COL22A1: variants seen among roughly 807,000 people sequenced by gnomAD.
COL22A1 encodes the protein collagen type XXII alpha 1 chain, also known as collagen alpha-1(XXII) chain.
Under a neutral mutation model 248.9 loss-of-function variants are expected in COL22A1, and 221 were observed. That is an observed-to-expected ratio of 0.89 (90% CI 0.80 to 0.99). COL22A1 has a LOEUF of 0.99. Among genes scored for constraint, COL22A1 ranks in the 50% least tolerant of loss-of-function variants. The pLI, the probability that COL22A1 is intolerant of heterozygous loss-of-function variation, is 0.00. For synonymous variants in COL22A1, 891 were observed against 793.4 expected, an observed-to-expected ratio of 1.12 and a Z score of -2.07; for missense variants, 2,240 against 2,179.0, an observed-to-expected ratio of 1.03 and a Z score of -0.56.
chr8:138,684,372 C>G, intron 39 of COL22A1, 53 bp downstream of exon 39: 1 of 1,201,454 alleles, frequency 8.3e-7, no homozygotes, highest in Non-Finnish European at 1.2e-6. Flanking sequence ...TTTCCACGTT[C>G]TCTTTCAAAC....
At chr8:138,636,062 G>A (rs1564125161) in intron 48 of COL22A1, among the ~76,000 whole-genome samples, 1 of 152,148 alleles carries the variant, frequency 6.6e-6, no homozygotes. Context: ...GTAAAGGGGA[G>A]GGCAGCTGGG....
Position 138,729,364 on chromosome 8 carries a change from TA to T in COL22A1, c.2140-3925del, listed in dbSNP as rs1830546834. Among the ~76,000 whole-genome samples, 3 of 152,300 alleles carry T rather than the reference TA, an allele frequency of 2.0e-5. No homozygotes were observed. In the South Asian group the frequency reaches 6.2e-4, roughly 32 times the overall value. ...TAAGGGAGACTAGAACTTAGGGCTCTAAATATGGGTTTGAAGATCTCAAAGT... is the reference window on the plus strand; with the variant it reads ...TAAGGGAGACTAGAACTTAGGGCTCTAATATGGGTTTGAAGATCTCAAAGT... On this transcript the variant is annotated intron_variant, in intron 23 of 64. Transcript: ENST00000303045.
intron 52 of COL22A1, among the ~76,000 whole-genome samples, chr8:138,623,450 C>G (rs1235370256): frequency 6.6e-6 from 1 of 151,856 alleles, no homozygotes; most frequent in Non-Finnish European, 1.5e-5. Flanking sequence ...GGCAGTAAAC[C>G]AAAATGTGGA....
intron 1 of COL22A1, among the ~76,000 whole-genome samples, chr8:138,902,052 G>C (rs767311269): frequency 5.3e-5 from 8 of 152,148 alleles, no homozygotes; most frequent in Non-Finnish European, 1.0e-4. Flanking sequence ...CCAGCTGTAA[G>C]ACGCTGTGAA....
At chr8:138,863,722 G>A (rs1822658337) in intron 3 of COL22A1, among the ~76,000 whole-genome samples, 1 of 152,098 alleles carries the variant, frequency 6.6e-6, no homozygotes, top group Non-Finnish European at 1.5e-5. Context: ...TGCCTTCTCT[G>A]GGCTCTGGTT....
At chr8:138,689,827 C>T (rs1343892729) in intron 36 of COL22A1, among the ~76,000 whole-genome samples, 2 of 152,186 alleles carry the variant, frequency 1.3e-5, no homozygotes, top group East Asian at 1.9e-4. Flanking sequence ...GCAGGACGTA[C>T]GCTCAGAGCG....
At chr8:138,720,332 G>A (rs1036689653) in intron 27 of COL22A1, among the ~76,000 whole-genome samples, 3 of 152,134 alleles carry the variant, frequency 2.0e-5, no homozygotes, top group African/African-American at 4.8e-5. Context: ...CAGAGAGAGC[G>A]AGCGAGCACT....
At chr8:138,662,870 G>T (rs985582894) in intron 42 of COL22A1, among the ~76,000 whole-genome samples, 2 of 152,200 alleles carry the variant, frequency 1.3e-5, no homozygotes, top group African/African-American at 4.8e-5. Flanking sequence ...GTAGCCCTGT[G>T]CTGGGCATGG....
intron 10 of COL22A1, among the ~76,000 whole-genome samples, chr8:138,805,156 T>C (rs1471504262): frequency 4.9e-5 from 7 of 143,360 alleles, no homozygotes; most frequent in Admixed American, 1.4e-4. Context: ...CATATGGGTA[T>C]GTGCATGAGG....
chr8:138,689,826 A>ACAT (rs1402804744), intron 36 of COL22A1, among the ~76,000 whole-genome samples: 1 of 152,224 alleles, frequency 6.6e-6, no homozygotes, highest in Non-Finnish European at 1.5e-5. Flanking sequence ...TGCAGGACGT[A>ACAT]CGCTCAGAGC....
intron 52 of COL22A1, among the ~76,000 whole-genome samples, 170 bp from the exon 53 acceptor site, chr8:138,619,678 T>C (rs1401008052): frequency 6.6e-6 from 1 of 152,164 alleles, no homozygotes; most frequent in Non-Finnish European, 1.5e-5. Context: ...ATCTCCACCA[T>C]GTATTCAGGC....
intron 5 of COL22A1, among the ~76,000 whole-genome samples, chr8:138,832,255 G>T (rs2131817840): frequency 6.6e-6 from 1 of 152,244 alleles, no homozygotes; most frequent in African/African-American, 2.4e-5. Flanking sequence ...CTCTGTCTCT[G>T]GAGTGGCCAT....
chr8:138,898,512 T>C (rs1814296111), intron 1 of COL22A1, among the ~76,000 whole-genome samples: 1 of 152,164 alleles, frequency 6.6e-6, no homozygotes, highest in Non-Finnish European at 1.5e-5. Context: ...TTTATGGGAT[T>C]GGGATGAGCA....
intron 30 of COL22A1, among the ~76,000 whole-genome samples, chr8:138,711,785 T>A (rs556658006): frequency 6.6e-6 from 1 of 152,256 alleles, no homozygotes; most frequent in South Asian, 2.1e-4. Context: ...CTGAAAAGCA[T>A]CATGCAGGAG....
At chr8:138,609,129 A>G (rs141001848) in intron 56 of COL22A1, among the ~76,000 whole-genome samples, 16 of 152,376 alleles carry the variant, frequency 1.1e-4, no homozygotes, top group African/African-American at 3.6e-4. Flanking sequence ...CACTTCCTAC[A>G]TGCCAGACTT....
chr8:138,664,115 C>T (rs753027926), intron 41 of COL22A1, among the ~76,000 whole-genome samples: 10 of 150,802 alleles, frequency 6.6e-5, no homozygotes, highest in African/African-American at 2.4e-4. Context: ...AAAGGACGGG[C>T]ATGATAACGA....
At position 138,877,874 on chromosome 8, in the gene COL22A1, G is replaced by A. The variant is rs748297644; in HGVS notation, c.534C>T (p.Gly178=). 2.5e-5 allele frequency: 40 copies of A among 1,612,790 alleles called. No homozygotes were observed. The highest frequency in any genetic ancestry group is 4.4e-5 in the South Asian group (4 of 90,934). ...CCTCCAGCTCCTCCTTGAGTGCCTC[G>A]CCCACGCCCACGGCAAAGATGCGGA... ...AGIRIFAVGV[G]EALKEELEEI... Residue 178 remains glycine, a synonymous_variant, in exon 3 of 65, where the codon GGC becomes GGT. Transcript: ENST00000303045.
At chr8:138,900,298 T>C (rs1399480410) in intron 1 of COL22A1, among the ~76,000 whole-genome samples, 1 of 152,146 alleles carries the variant, frequency 6.6e-6, no homozygotes, top group African/African-American at 2.4e-5. Flanking sequence ...TCAGGAGTGT[T>C]TGGTCCTTCT....
At chr8:138,865,426 CGT>C (rs1822789364) in intron 3 of COL22A1, among the ~76,000 whole-genome samples, 1 of 143,136 alleles carries the variant, frequency 7.0e-6, no homozygotes, top group Non-Finnish European at 1.5e-5. Flanking sequence ...TTTGTAGGCA[CGT>C]GTGTGGTGTG....
Sources: allele counts gnomAD v4.1 joint callset (sites outside exome capture counted in the v4.1 genomes callset), GRCh38; gene constraint gnomAD v4.1.1; transcripts MANE v1.5; gene names NCBI Gene and HGNC (gene_info 2026-07-23, HGNC 2026-07-21).